The following AGTPBP1 variants were observed in gnomAD, a reference collection of about 807,000 sequenced individuals.
The protein encoded by AGTPBP1 is ATP/GTP binding carboxypeptidase 1.
In AGTPBP1, 70 loss-of-function variants were observed where a neutral mutation model predicts 143.9. The ratio of observed to expected loss-of-function variants is 0.49; its 90% CI spans 0.40 to 0.59. The LOEUF (loss-of-function observed/expected upper bound fraction) is 0.59. Among genes scored for constraint, AGTPBP1 ranks in the 20% least tolerant of loss-of-function variants. The pLI is 0.00. For missense variants in AGTPBP1, 1,229 were observed against 1,464.5 expected (o/e 0.84, Z 2.62); for synonymous variants, 463 against 500.2 (o/e 0.93, Z 0.99).
intron 14 of AGTPBP1, among the ~76,000 whole-genome samples, chr9:85,626,839 T>A (rs1298414809): frequency 1.3e-5 from 2 of 152,220 alleles, no homozygotes; most frequent in Non-Finnish European, 2.9e-5. Context: ...ATGAATTTCA[T>A]ATCATTTTCA....
At chr9:85,736,099 T>G (rs994544016) in intron 1 of AGTPBP1, among the ~76,000 whole-genome samples, 2 of 152,144 alleles carry the variant, frequency 1.3e-5, no homozygotes, top group Admixed American at 6.5e-5. Flanking sequence ...GCCTTCACTG[T>G]TTAATATTTA....
the AGTPBP1 span, chr9:85,770,598 T>C: frequency 1.6e-6 from 1 of 609,662 alleles, no homozygotes; most frequent in East Asian, 2.8e-5. Context: ...AAAGATTTGA[T>C]GGTGTAACTA....
At chr9:85,645,746 TAAAGC>T (rs1330008805) in intron 12 of AGTPBP1, among the ~76,000 whole-genome samples, 1 of 152,108 alleles carries the variant, frequency 6.6e-6, no homozygotes, top group African/African-American at 2.4e-5. Context: ...TCTCTATAAA[TAAAGC>T]AAAATACAGA....
intron 2 of AGTPBP1, among the ~76,000 whole-genome samples, chr9:85,702,583 T>C (rs2134381174): frequency 6.6e-6 from 1 of 152,190 alleles, no homozygotes; most frequent in Non-Finnish European, 1.5e-5. Context: ...TTTTAATTTG[T>C]AGTGAAATAT....
At chr9:85,581,805 T>C (rs1828279670) in intron 23 of AGTPBP1, among the ~76,000 whole-genome samples, 2 of 152,192 alleles carry the variant, frequency 1.3e-5, no homozygotes, top group Non-Finnish European at 2.9e-5. Context: ...AGCAAATACA[T>C]GATTTAACTT....
At chr9:85,582,967 T>C (rs2133134541) in intron 23 of AGTPBP1, among the ~76,000 whole-genome samples, 1 of 152,252 alleles carries the variant, frequency 6.6e-6, no homozygotes, top group East Asian at 1.9e-4. Flanking sequence ...ACTAAGATTA[T>C]CCTGGATTAT....
chr9:85,743,898 GTTTTTC>G (rs1321151176), upstream of AGTPBP1, among the ~76,000 whole-genome samples: 4 of 147,622 alleles, frequency 2.7e-5, no homozygotes, highest in South Asian at 6.7e-4. Flanking sequence ...CACCTCAGTT[GTTTTTC>G]TTTTTCTTTT....
chr9:85,745,249 C>G (rs760970109), upstream of AGTPBP1, among the ~76,000 whole-genome samples: 21 of 152,210 alleles, frequency 1.4e-4, no homozygotes, highest in Admixed American at 4.6e-4. Flanking sequence ...AGGCTTAGAA[C>G]AGCCATGGAC....
chr9:85,664,974 C>T (rs150678772), intron 8 of AGTPBP1, among the ~76,000 whole-genome samples: 87 of 152,248 alleles, frequency 5.7e-4, no homozygotes, highest in African/African-American at 2.0e-3. Flanking sequence ...AAAGACTATG[C>T]AAACTATGCA....
chr9:85,572,029 T>G lies in AGTPBP1; in HGVS notation c.3503+3286A>C, dbSNP rs867254035. Among the ~76,000 whole-genome samples the G allele has an allele frequency of 9.2e-3, 898 of 98,064 alleles. 41 individuals carry two copies. The highest frequency in any genetic ancestry group is 0.044 in the African/African-American group (838 of 18,970). 64.3% of individuals were successfully genotyped at this position (98,064 alleles called of 152,430 possible). Reference sequence around the variant, plus strand: ...GTTTTTTTTTTTTTTTTTTTTTTTTTTTTTTTTTTTTTTTTGAGGCACAGT... The same window carrying G: ...GTTTTTTTTTTTTTTTTTTTTTTTTGTTTTTTTTTTTTTTTGAGGCACAGT... On this transcript the variant is annotated intron_variant, in intron 25 of 25. Transcript: ENST00000357081.
At chr9:85,681,369 T>TA in intron 3 of AGTPBP1, 34 bp from the exon 4 acceptor site, 2 of 1,584,016 alleles carry the variant, frequency 1.3e-6, no homozygotes, top group Non-Finnish European at 1.7e-6. Flanking sequence ...TTCTCAAACA[T>TA]AAATTTTTAA....
At chr9:85,750,492 C>CAAA in the AGTPBP1 span, among the ~76,000 whole-genome samples, 1 of 152,298 alleles carries the variant, frequency 6.6e-6, no homozygotes, top group South Asian at 2.1e-4. Context: ...ATCAAATGTT[C>CAAA]TCTCTGTTCA....
the AGTPBP1 span, among the ~76,000 whole-genome samples, chr9:85,757,165 C>G: frequency 1.3e-5 from 2 of 152,132 alleles, no homozygotes; most frequent in Non-Finnish European, 2.9e-5. Context: ...CTCCTGGGTT[C>G]AAGTGATTCT....
At chr9:85,650,832 A>G (rs932830596) in intron 11 of AGTPBP1, among the ~76,000 whole-genome samples, 1 of 152,204 alleles carries the variant, frequency 6.6e-6, no homozygotes, top group African/African-American at 2.4e-5. Flanking sequence ...GTCGACTTTT[A>G]GTATTTGGCA....
At chr9:85,743,459 G>A (rs11141083), upstream of AGTPBP1, among the ~76,000 whole-genome samples, 1,687 of 152,172 alleles carry the variant, frequency 0.011, 31 homozygotes, top group African/African-American at 0.037. Flanking sequence ...ATGTTTTGCG[G>A]TAATTAAGAA....
At chr9:85,609,170 T>A (rs1293020245) in intron 17 of AGTPBP1, among the ~76,000 whole-genome samples, 1 of 152,140 alleles carries the variant, frequency 6.6e-6, no homozygotes, top group Non-Finnish European at 1.5e-5. Context: ...TGGAAACCAC[T>A]ACAAATGTGA....
At chr9:85,557,749 A>T (rs1213514298) in intron 25 of AGTPBP1, among the ~76,000 whole-genome samples, 2 of 152,250 alleles carry the variant, frequency 1.3e-5, no homozygotes, top group Non-Finnish European at 2.9e-5. Flanking sequence ...CTCAGAAGAC[A>T]GAGTTCCTAT....
chr9:85,683,687 G>T (rs1204498266), intron 3 of AGTPBP1, among the ~76,000 whole-genome samples: 1 of 152,002 alleles, frequency 6.6e-6, no homozygotes, highest in Non-Finnish European at 1.5e-5. Context: ...CCTTCCCTCT[G>T]TGCTCCAATT....
intron 1 of AGTPBP1, among the ~76,000 whole-genome samples, chr9:85,716,930 T>C (rs961303705): frequency 2.0e-5 from 3 of 152,208 alleles, no homozygotes; most frequent in Non-Finnish European, 4.4e-5. Flanking sequence ...CTGGATGCAC[T>C]GGCTGGGCCT....
Sources: allele counts gnomAD v4.1 joint callset (sites outside exome capture counted in the v4.1 genomes callset), GRCh38; gene constraint gnomAD v4.1.1; transcripts MANE v1.5; gene names NCBI Gene and HGNC (gene_info 2026-07-23, HGNC 2026-07-21).